The following TAOK3 variants were observed in gnomAD, a reference collection of about 807,000 sequenced individuals.
TAOK3 encodes the protein TAO kinase 3, also known as serine/threonine-protein kinase TAO3.
TAOK3 carries 40 observed loss-of-function variants against 120.4 expected under a neutral mutation model. The ratio of observed to expected loss-of-function variants is 0.33; its 90% CI spans 0.26 to 0.43. TAOK3 has a LOEUF of 0.43. Among genes scored for constraint, TAOK3 ranks in the 20% least tolerant of loss-of-function variants. The pLI, the probability that TAOK3 is intolerant of heterozygous loss-of-function variation, is 1.00. For synonymous variants in TAOK3, 355 were observed against 387.5 expected (o/e 0.92, Z 0.99); for missense variants, 821 against 1,112.1 (o/e 0.74, Z 3.72).
intron 17 of TAOK3, among the ~76,000 whole-genome samples, chr12:118,163,615 A>G (rs1349325790): frequency 2.0e-5 from 3 of 152,096 alleles, no homozygotes; most frequent in Non-Finnish European, 4.4e-5. Context: ...CAAATTAAAA[A>G]AAAAAAAAGA....
chr12:118,169,074 C>T (rs796829487), intron 17 of TAOK3, among the ~76,000 whole-genome samples: 17 of 151,996 alleles, frequency 1.1e-4, no homozygotes, highest in African/African-American at 3.6e-4. Flanking sequence ...AGTGGAATGG[C>T]GCGATCTCGG....
In TAOK3 at chr12:118,259,367, G is replaced by C. The variant is rs150203939; in HGVS notation, c.-88-3712C>G. On this transcript the variant is annotated intron_variant, in intron 2 of 20. Coordinates refer to ENST00000392533, the MANE Select transcript of TAOK3 (RefSeq NM_016281.4). ...TTGAGACCAGCCTGGGCAACAGGCT[G>C]TATCGCTACAAAAGATACAAAAACT... Among the ~76,000 whole-genome samples the C allele has an allele frequency of 3.7e-4, 56 of 152,128 alleles. No individual in the cohort carries two copies. The East Asian group carries it at 3.9e-3, about 11-fold the overall frequency.
intron 1 of TAOK3, among the ~76,000 whole-genome samples, chr12:118,285,586 C>G (rs1041036903): frequency 6.6e-6 from 1 of 152,172 alleles, no homozygotes; most frequent in Admixed American, 6.5e-5. Flanking sequence ...CTCCTGACCT[C>G]AGGTGATCCA....
Position 118,372,314 on chromosome 12 carries a change from C to T in TAOK3, c.-194+334G>A, listed in dbSNP as rs758760634. Among the ~76,000 whole-genome samples, 5 of 149,252 alleles carry T rather than the reference C, an allele frequency of 3.4e-5. No homozygotes were observed. Among genetic ancestry groups the T allele is most frequent in the Non-Finnish European group, 7.4e-5 (5 of 67,228 alleles). ...CCTTCAGGGGACCCCCTCCCCTCATCCCCCTATCCTAGTGCCTCATGAGGC... is the reference window on the plus strand; with the variant it reads ...CCTTCAGGGGACCCCCTCCCCTCATTCCCCTATCCTAGTGCCTCATGAGGC... On this transcript the variant is annotated intron_variant, in intron 1 of 20. Coordinates refer to ENST00000392533, the MANE Select transcript of TAOK3 (RefSeq NM_016281.4). The surrounding 1 kb of genome is among the most constrained non-coding windows in gnomAD (Gnocchi z 4.6).
rs747387971 is a variant in TAOK3 at position 118,172,507 on chromosome 12, G to T, written c.1849C>A (p.Arg617=). ...YYDKNCRFFK[R]KIMIKRHEVE... is the part of the protein sequence containing the mutation. Reference sequence around the variant, plus strand: ...TCGTGCCGCTTGATCATTATTTTCCGCTTGAAGAAACGACAATTTTTGTCG... The same window carrying T: ...TCGTGCCGCTTGATCATTATTTTCCTCTTGAAGAAACGACAATTTTTGTCG... The change falls in exon 17 of 21, where the codon CGG becomes AGG. Residue 617 remains arginine (R), a synonymous_variant. Transcript: ENST00000392533. 2 of 1,614,070 alleles carry T rather than the reference G, an allele frequency of 1.2e-6. No individual in the cohort carries two copies. The highest frequency in any genetic ancestry group is 2.2e-5 in the East Asian group (1 of 44,868).
intron 1 of TAOK3, among the ~76,000 whole-genome samples, chr12:118,344,733 A>G (rs2044779850): frequency 6.6e-6 from 1 of 152,196 alleles, no homozygotes. Context: ...CCAATTAATA[A>G]TATCACTGTT....
intron 20 of TAOK3, 130 bp from the exon 21 acceptor site, chr12:118,151,288 CG>C: frequency 2.4e-5 from 3 of 122,744 alleles, no homozygotes; most frequent in Non-Finnish European, 4.5e-5. Flanking sequence ...TGCGCGCGCG[CG>C]CACACACACA....
chr12:118,263,224 C>T (rs2041307397), intron 2 of TAOK3, among the ~76,000 whole-genome samples: 4 of 152,088 alleles, frequency 2.6e-5, no homozygotes, highest in African/African-American at 9.7e-5. Context: ...GGTAGAAGTA[C>T]AAAGGCAATC....
intron 10 of TAOK3, among the ~76,000 whole-genome samples, chr12:118,213,679 C>T (rs1011966983): frequency 2.6e-5 from 4 of 151,618 alleles, no homozygotes; most frequent in Non-Finnish European, 5.9e-5. Context: ...CTTATCTCTG[C>T]TGAGAAGTGA....
chr12:118,276,035 T>A (rs1016123965), intron 1 of TAOK3, among the ~76,000 whole-genome samples: 1 of 152,162 alleles, frequency 6.6e-6, no homozygotes, highest in Non-Finnish European at 1.5e-5. Flanking sequence ...GGGCCTTTCA[T>A]AATGTGATGG....
chr12:118,317,357 G>T (rs2140911481), intron 1 of TAOK3, among the ~76,000 whole-genome samples: 1 of 147,690 alleles, frequency 6.8e-6, no homozygotes, highest in South Asian at 2.2e-4. Context: ...GGAGTGCAGT[G>T]GCGCGATCTT....
intron 17 of TAOK3, among the ~76,000 whole-genome samples, chr12:118,168,201 C>T (rs2035733615): frequency 6.6e-6 from 1 of 152,136 alleles, no homozygotes; most frequent in South Asian, 2.1e-4. Context: ...TGATGCTGGT[C>T]AAATGGTAGA....
intron 17 of TAOK3, among the ~76,000 whole-genome samples, chr12:118,169,845 C>G (rs1171147133): frequency 6.6e-6 from 1 of 152,050 alleles, no homozygotes; most frequent in South Asian, 2.1e-4. Context: ...CTCAGCCTCC[C>G]GAGTAGCTGG....
In TAOK3 at chr12:118,345,715, T is replaced by C. The variant is rs182797142; in HGVS notation, c.-194+26933A>G. ...TTGAAAAAAAAAAATGAACTCATGC[T>C]CCTGGAAACCAAGTTCTTATGGTCT... is the stretch of plus-strand genomic sequence containing the variant. On this transcript the variant is annotated intron_variant, in intron 1 of 20. Coordinates refer to ENST00000392533, the MANE Select transcript of TAOK3 (RefSeq NM_016281.4). Among the ~76,000 whole-genome samples the C allele has an allele frequency of 1.6e-4, 24 of 151,430 alleles. No individual in the cohort carries two copies. The East Asian group carries it at 4.3e-3, about 27-fold the overall frequency.
chr12:118,271,388 T>A (rs1215285751), intron 1 of TAOK3, among the ~76,000 whole-genome samples: 1 of 152,206 alleles, frequency 6.6e-6, no homozygotes, highest in Non-Finnish European at 1.5e-5. Context: ...ATACTTTCCA[T>A]CTTTATAGAT....
intron 17 of TAOK3, among the ~76,000 whole-genome samples, chr12:118,166,264 C>T (rs989348056): frequency 9.9e-5 from 15 of 152,258 alleles, no homozygotes; most frequent in South Asian, 4.1e-4. Flanking sequence ...TGAGGCCAGA[C>T]GCGGTGGCTC....
intron 14 of TAOK3, 85 bp from the exon 15 acceptor site, chr12:118,181,692 A>C (rs1021558315): frequency 8.6e-5 from 97 of 1,128,308 alleles, no homozygotes; most frequent in Non-Finnish European, 1.1e-4. Flanking sequence ...CCTGTGGCAT[A>C]ATTTTATCCA....
At chr12:118,206,903 G>A (rs146075498) in intron 11 of TAOK3, among the ~76,000 whole-genome samples, 1 of 152,094 alleles carries the variant, frequency 6.6e-6, no homozygotes, top group Non-Finnish European at 1.5e-5. Context: ...CCTCCTCATT[G>A]TTTTTAAAAG....
At chr12:118,229,133 T>A (rs959494461) in intron 9 of TAOK3, among the ~76,000 whole-genome samples, 3 of 151,598 alleles carry the variant, frequency 2.0e-5, no homozygotes, top group Non-Finnish European at 4.4e-5. Flanking sequence ...AGAGTTTCGA[T>A]CTTGTTGCCC....
Sources: gnomAD v4.1 joint callset for allele counts (sites outside exome capture counted in the v4.1 genomes callset) on GRCh38, gnomAD v4.1.1 for gene constraint, Gnocchi (gnomAD v3.1) non-coding constraint, MANE v1.5 for transcripts, NCBI Gene and HGNC (gene_info 2026-07-23, HGNC 2026-07-21) for gene names.